FAM184B: variants seen among roughly 807,000 people sequenced by gnomAD.
FAM184B encodes family with sequence similarity 184 member B, also known as protein FAM184B.
A neutral mutation model predicts 135.9 loss-of-function variants in FAM184B; 111 were observed. The ratio of observed to expected loss-of-function variants is 0.82; its 90% CI spans 0.70 to 0.96. The LOEUF (loss-of-function observed/expected upper bound fraction) is 0.96, where lower values mean the gene tolerates loss of function less well. FAM184B is among the 40% of genes least tolerant of loss of function. FAM184B has a pLI of 0.00. For missense variants in FAM184B, 1,375 were observed against 1,323.9 expected (o/e 1.04, Z -0.60); for synonymous variants, 552 against 524.8 (o/e 1.05, Z -0.71).
chr4:17,737,015 G>C (rs2108981153), intron 1 of FAM184B, among the ~76,000 whole-genome samples: 1 of 152,232 alleles, frequency 6.6e-6, no homozygotes. Context: ...TATGGTGGCA[G>C]GCACCTGTAA....
intron 1 of FAM184B, among the ~76,000 whole-genome samples, chr4:17,779,144 G>A (rs1718986052): frequency 6.6e-6 from 1 of 152,124 alleles, no homozygotes; most frequent in Non-Finnish European, 1.5e-5. Flanking sequence ...AAGAAGCAAG[G>A]AGAAAGAATG....
chr4:17,662,121 A>C (rs1417570697), intron 8 of FAM184B, among the ~76,000 whole-genome samples: 1 of 152,124 alleles, frequency 6.6e-6, no homozygotes, highest in African/African-American at 2.4e-5. Context: ...TTTCCAGGTT[A>C]TGTTGCTCCT....
intron 11 of FAM184B, among the ~76,000 whole-genome samples, chr4:17,649,383 G>T (rs1242420146): frequency 1.3e-5 from 2 of 152,016 alleles, no homozygotes; most frequent in African/African-American, 2.4e-5. Flanking sequence ...AGGAGATCGA[G>T]ACCATACTGG....
chr4:17,666,173 T>C (rs1275268505), intron 7 of FAM184B, among the ~76,000 whole-genome samples: 1 of 152,172 alleles, frequency 6.6e-6, no homozygotes, highest in Non-Finnish European at 1.5e-5. Context: ...ATCTTTTACT[T>C]ATTAACGATG....
chr4:17,766,716 C>T (rs1052563639), intron 1 of FAM184B, among the ~76,000 whole-genome samples: 1 of 152,254 alleles, frequency 6.6e-6, no homozygotes, highest in African/African-American at 2.4e-5. Flanking sequence ...CTCCAAGTCC[C>T]TACTAGACTC....
chr4:17,667,322 C>T (rs940002398), intron 7 of FAM184B, among the ~76,000 whole-genome samples: 12 of 152,178 alleles, frequency 7.9e-5, no homozygotes, highest in African/African-American at 2.7e-4. Context: ...ATGAAAATCC[C>T]CTGGGCATGT....
chr4:17,646,418 A>G (rs1035128122), intron 12 of FAM184B, among the ~76,000 whole-genome samples: 1 of 152,230 alleles, frequency 6.6e-6, no homozygotes, highest in Non-Finnish European at 1.5e-5. Context: ...GAATGAGTTC[A>G]TGTCCTTTGT....
intron 1 of FAM184B, among the ~76,000 whole-genome samples, chr4:17,714,098 C>G (rs1182474650): frequency 1.3e-5 from 2 of 152,018 alleles, no homozygotes; most frequent in Non-Finnish European, 2.9e-5. Flanking sequence ...TTGGGCTGCT[C>G]GACAGCACTT....
intron 1 of FAM184B, among the ~76,000 whole-genome samples, chr4:17,773,510 G>A (rs1718863806): frequency 6.6e-6 from 1 of 152,198 alleles, no homozygotes; most frequent in African/African-American, 2.4e-5. Context: ...GAGAGGTAGT[G>A]CCCTGGTATC....
intron 1 of FAM184B, among the ~76,000 whole-genome samples, chr4:17,758,050 A>G (rs1431625823): frequency 6.6e-6 from 1 of 152,180 alleles, no homozygotes; most frequent in Non-Finnish European, 1.5e-5. Context: ...CAAAAGCAAA[A>G]CTAATACTAT....
chr4:17,714,183 C>T (rs1282000628), intron 1 of FAM184B, among the ~76,000 whole-genome samples: 4 of 152,140 alleles, frequency 2.6e-5, no homozygotes, highest in Non-Finnish European at 5.9e-5. Context: ...CAAGGATTCA[C>T]GCTTTCCTTC....
chr4:17,632,828 A>AAGGTTCACCATTGTT (rs1191265222), intron 17 of FAM184B: 2 of 458,940 alleles, frequency 4.4e-6, no homozygotes, highest in African/African-American at 3.9e-5. Context: ...TGGAAAACAG[A>AAGGTTCACCATTGTT]AGGTTCACCA....
At chr4:17,744,834 T>C (rs1037313552) in intron 1 of FAM184B, among the ~76,000 whole-genome samples, 5 of 152,254 alleles carry the variant, frequency 3.3e-5, no homozygotes, top group South Asian at 4.1e-4. Flanking sequence ...AATATCAACC[T>C]AGAGAAAGAG....
At chr4:17,729,172 A>C (rs1717712530) in intron 1 of FAM184B, among the ~76,000 whole-genome samples, 1 of 152,216 alleles carries the variant, frequency 6.6e-6, no homozygotes, top group Admixed American at 6.5e-5. Flanking sequence ...TCTGAGATCA[A>C]ACTGCAAGGT....
chr4:17,778,871 AC>A (rs1271228944), intron 1 of FAM184B, among the ~76,000 whole-genome samples: 1 of 152,168 alleles, frequency 6.6e-6, no homozygotes, highest in Non-Finnish European at 1.5e-5. Context: ...AAACAAACGA[AC>A]AAAAAAGTAA....
Position 17,781,500 on chromosome 4 carries a change from C to T in FAM184B, c.-201G>A, listed in dbSNP as rs1469660204. On this transcript the variant is annotated 5_prime_UTR_variant, in exon 1 of 18. Transcript: ENST00000265018. This position sits in a 1 kb window ranked among gnomAD's most constrained non-coding sequence, Gnocchi z 6.5. ...CACCCGCGCGCCCACCCTTTTTCCT[C>T]TCCTGCTGGTTCTCTGGCTGGCTGG... The T allele has an allele frequency of 6.9e-6, 4 of 581,380 alleles. No individual in the cohort carries two copies. In the African/African-American group the frequency reaches 7.9e-5, roughly 11 times the overall value. The allele number at this position is 581,380 out of a possible 1,614,324, so 36.0% of individuals were successfully genotyped here. A position where few individuals can be genotyped will look rare whatever the true frequency, so the allele number is the denominator to read the frequency against.
intron 1 of FAM184B, among the ~76,000 whole-genome samples, chr4:17,747,554 G>A (rs1718193299): frequency 1.3e-5 from 2 of 152,116 alleles, no homozygotes; most frequent in Admixed American, 1.3e-4. Flanking sequence ...CACTTTGGGA[G>A]GCCGAGGTGG....
chr4:17,641,842 A>G (rs1180889121), intron 13 of FAM184B, among the ~76,000 whole-genome samples: 1 of 151,578 alleles, frequency 6.6e-6, no homozygotes, highest in African/African-American at 2.4e-5. Context: ...CGGTTTTGAG[A>G]TCCAGAATTT....
chr4:17,715,497 AC>A (rs1182064737), intron 1 of FAM184B, among the ~76,000 whole-genome samples: 1 of 152,012 alleles, frequency 6.6e-6, no homozygotes, highest in African/African-American at 2.4e-5. Context: ...ACAAAAACAA[AC>A]AAAAAAAATG....
Sources: allele counts gnomAD v4.1 joint callset (sites outside exome capture counted in the v4.1 genomes callset), GRCh38; gene constraint gnomAD v4.1.1; non-coding constraint Gnocchi (gnomAD v3.1); transcripts MANE v1.5; gene names NCBI Gene and HGNC (gene_info 2026-07-23, HGNC 2026-07-21).